Variants in CNTN5 observed in about 807,000 individuals in gnomAD.
CNTN5 encodes contactin-5.
In CNTN5, 77 loss-of-function variants were observed where a neutral mutation model predicts 129.1. The observed-to-expected ratio is 0.60, with a 90% CI of 0.50 to 0.72. CNTN5 has a LOEUF of 0.72. Among genes scored for constraint, CNTN5 ranks in the 30% least tolerant of loss-of-function variants. CNTN5 has a pLI of 0.00. For synonymous variants in CNTN5, 509 were observed against 465.6 expected (o/e 1.09, Z -1.20); for missense variants, 1,478 against 1,328.8 (o/e 1.11, Z -1.75).
At chr11:100,179,842 T>C (rs1359809405) in intron 13 of CNTN5, among the ~76,000 whole-genome samples, 5 of 152,148 alleles carry the variant, frequency 3.3e-5, no homozygotes, top group African/African-American at 4.8e-5. Context: ...AGCTTAAAAG[T>C]CTTTTTGAAC....
chr11:99,872,572 G>T (rs758446514), intron 6 of CNTN5, among the ~76,000 whole-genome samples: 1 of 152,002 alleles, frequency 6.6e-6, no homozygotes, highest in Non-Finnish European at 1.5e-5. Context: ...CCTGCCACCC[G>T]GTACTCTGAA....
chr11:99,183,050 T>C (rs1858162028), intron 1 of CNTN5, among the ~76,000 whole-genome samples: 1 of 152,156 alleles, frequency 6.6e-6, no homozygotes, highest in African/African-American at 2.4e-5. Context: ...AATCAATGAC[T>C]GCTTAGACTC....
intron 3 of CNTN5, among the ~76,000 whole-genome samples, chr11:99,778,830 A>G (rs12574195): frequency 0.12 from 18,127 of 149,746 alleles, 1,644 homozygotes; most frequent in East Asian, 0.41. Flanking sequence ...AATTTAATTG[A>G]AATTAATATC....
chr11:99,179,698 C>T (rs1857951717), intron 1 of CNTN5, among the ~76,000 whole-genome samples: 1 of 152,120 alleles, frequency 6.6e-6, no homozygotes, highest in East Asian at 1.9e-4. Context: ...TCCACACTTG[C>T]CTCAGTTTGG....
chr11:99,989,800 C>T (rs1262305416), intron 8 of CNTN5, among the ~76,000 whole-genome samples: 1 of 152,086 alleles, frequency 6.6e-6, no homozygotes, highest in Non-Finnish European at 1.5e-5. Flanking sequence ...GAGTCTCATT[C>T]CACTGCCAAG....
intron 3 of CNTN5, among the ~76,000 whole-genome samples, chr11:99,701,507 A>G (rs1271474054): frequency 6.6e-6 from 1 of 151,122 alleles, no homozygotes; most frequent in African/African-American, 2.4e-5. Context: ...AATATTAGAT[A>G]TATTTAATGG....
chr11:99,109,544 A>C (rs768724761), intron 1 of CNTN5, among the ~76,000 whole-genome samples: 11 of 152,136 alleles, frequency 7.2e-5, no homozygotes, highest in Non-Finnish European at 1.3e-4. Context: ...AAGCCATTAT[A>C]CTCTTGTATC....
intron 8 of CNTN5, among the ~76,000 whole-genome samples, chr11:99,975,545 C>T (rs1937892806): frequency 6.6e-6 from 1 of 152,168 alleles, no homozygotes; most frequent in South Asian, 2.1e-4. Context: ...GTTTAATTGA[C>T]TCACAGATCC....
chr11:100,023,778 GC>G (rs1272161949), intron 9 of CNTN5, among the ~76,000 whole-genome samples: 1 of 151,902 alleles, frequency 6.6e-6, no homozygotes, highest in Non-Finnish European at 1.5e-5. Context: ...TTTCAGGTTG[GC>G]CTTTTTAAAT....
At position 99,810,050 on chromosome 11, in the gene CNTN5, G is replaced by A. The variant is rs1403462729; in HGVS notation, c.56-9494G>A. On this transcript the variant is annotated intron_variant, in intron 3 of 24. Transcript: ENST00000524871. The stretch of plus-strand genomic sequence containing the variant: ...AATGCAACCATATATTATGCTCTTG[G>A]TGATTTAAAAAGATAGCATCATAAC... Among the ~76,000 whole-genome samples, 3 of 151,862 alleles carry A rather than the reference G, an allele frequency of 2.0e-5. No homozygotes were observed. The East Asian group carries it at 5.8e-4, about 29-fold the overall frequency.
intron 2 of CNTN5, among the ~76,000 whole-genome samples, chr11:99,410,323 T>G (rs138644223): frequency 1.6e-3 from 251 of 152,288 alleles, no homozygotes; most frequent in African/African-American, 5.9e-3. Flanking sequence ...GTAGAAGAAC[T>G]GACACGGTTA....
intron 1 of CNTN5, among the ~76,000 whole-genome samples, chr11:99,279,894 G>A (rs1863614604): frequency 6.6e-6 from 1 of 151,490 alleles, no homozygotes; most frequent in Non-Finnish European, 1.5e-5. Context: ...CAGAGGGTGG[G>A]TTTGGTGTTT....
chr11:99,677,295 AATGGTGAATGCCTTTACATGTTC>A (rs140007492), intron 3 of CNTN5, among the ~76,000 whole-genome samples: 3,160 of 152,218 alleles, frequency 0.021, 121 homozygotes, highest in East Asian at 0.18. Context: ...AAAAGCTACC[AATGGTGAATGCCTTTACATGTTC>A]ATGGGAGCTG....
chr11:99,737,809 G>A lies in CNTN5; in HGVS notation c.56-81735G>A, dbSNP rs1389326779. Among the ~76,000 whole-genome samples the A allele has an allele frequency of 2.6e-5, 4 of 152,220 alleles. No homozygotes were observed. The East Asian group carries it at 7.7e-4, about 29-fold the overall frequency. Reference sequence around the variant, plus strand: ...GTTACTCGACTAAGCCTTCAGGATAGAACGAGTACAGTGTTTTACCAATCA... The same window carrying A: ...GTTACTCGACTAAGCCTTCAGGATAAAACGAGTACAGTGTTTTACCAATCA... On this transcript the variant is annotated intron_variant, in intron 3 of 24. Transcript: ENST00000524871.
intron 21 of CNTN5, among the ~76,000 whole-genome samples, chr11:100,310,017 A>G (rs900722273): frequency 6.6e-6 from 1 of 151,882 alleles, no homozygotes; most frequent in African/African-American, 2.4e-5. Flanking sequence ...CATCAGGCCA[A>G]AGCCAGATTT....
intron 1 of CNTN5, among the ~76,000 whole-genome samples, chr11:99,202,828 C>T (rs566513578): frequency 6.6e-6 from 1 of 151,296 alleles, no homozygotes; most frequent in Non-Finnish European, 1.5e-5. Flanking sequence ...CCATTGAATA[C>T]TTCTAGGTAT....
chr11:99,498,234 T>G (rs1041274534), intron 2 of CNTN5, among the ~76,000 whole-genome samples: 1 of 152,182 alleles, frequency 6.6e-6, no homozygotes, highest in African/African-American at 2.4e-5. Flanking sequence ...ATAAGTATAA[T>G]GTGTAATAAA....
chr11:99,863,256 A>G (rs1034330905), intron 6 of CNTN5, among the ~76,000 whole-genome samples: 1 of 152,156 alleles, frequency 6.6e-6, no homozygotes, highest in Admixed American at 6.5e-5. Flanking sequence ...TTTTCTCTCC[A>G]TAGAAGGACA....
intron 9 of CNTN5, among the ~76,000 whole-genome samples, chr11:100,020,218 C>G (rs1941055268): frequency 6.6e-6 from 1 of 151,958 alleles, no homozygotes; most frequent in African/African-American, 2.4e-5. Context: ...AAGGAACAAT[C>G]AAGAAGCTTT....
Sources: allele counts gnomAD v4.1 joint callset (sites outside exome capture counted in the v4.1 genomes callset), GRCh38; gene constraint gnomAD v4.1.1; transcripts MANE v1.5; gene names NCBI Gene and HGNC (gene_info 2026-07-23, HGNC 2026-07-21).